WDR72: variants seen among roughly 807,000 people sequenced by gnomAD.
WDR72 encodes WD repeat-containing protein 72.
A neutral mutation model predicts 124.2 loss-of-function variants in WDR72; 120 were observed. The observed-to-expected ratio is 0.97, with a 90% CI of 0.83 to 1.12. WDR72 has a LOEUF of 1.12. Among genes scored for constraint, WDR72 ranks in the 50% most tolerant of loss-of-function variants. The pLI is 0.00. For synonymous variants in WDR72, 452 were observed against 441.7 expected (o/e 1.02, Z -0.29); for missense variants, 1,387 against 1,278.8 (o/e 1.08, Z -1.29).
rs542738079 is a variant in WDR72 at position 53,596,854 on chromosome 15, A to C, written c.3148+225T>G. Among the ~76,000 whole-genome samples, 27 of 152,310 alleles carry C rather than the reference A, an allele frequency of 1.8e-4. No individual in the cohort carries two copies. The South Asian group carries it at 5.4e-3, about 30-fold the overall frequency. On this transcript the variant is annotated intron_variant, in intron 18 of 19. Transcript: ENST00000360509. ...ACTCTCTAAGTAGCGATGCTCCTCA[A>C]GTTATGGTGGTGTTACTTCTGGATA... is the stretch of plus-strand genomic sequence containing the variant.
intron 14 of WDR72, among the ~76,000 whole-genome samples, chr15:53,663,376 G>C (rs1463217542): frequency 6.6e-6 from 1 of 151,828 alleles, no homozygotes; most frequent in East Asian, 1.9e-4. Flanking sequence ...TAAGGCAAGG[G>C]GCAAAAGCAA....
At chr15:53,593,873 A>T (rs2012634262) in intron 18 of WDR72, among the ~76,000 whole-genome samples, 2 of 152,068 alleles carry the variant, frequency 1.3e-5, no homozygotes, top group Non-Finnish European at 2.9e-5. Context: ...TATGTAAAAT[A>T]AAAAAATAAC....
At chr15:53,744,604 ATGGGGACACTT>A (rs1331043972) in intron 1 of WDR72, among the ~76,000 whole-genome samples, 1 of 152,228 alleles carries the variant, frequency 6.6e-6, no homozygotes, top group Non-Finnish European at 1.5e-5. Flanking sequence ...AATCACCAGC[ATGGGGACACTT>A]TGCAAAACTG....
intron 18 of WDR72, among the ~76,000 whole-genome samples, chr15:53,589,392 T>A (rs2012382949): frequency 6.6e-6 from 1 of 151,944 alleles, no homozygotes; most frequent in Admixed American, 6.6e-5. Flanking sequence ...AATTAGGAAT[T>A]GGCTGAATCT....
chr15:53,613,711 T>C lies in WDR72; in HGVS notation c.2827A>G (p.Asn943Asp). 2 of 1,611,306 alleles carry C rather than the reference T, an allele frequency of 1.2e-6. No homozygotes were observed. Among genetic ancestry groups the C allele is most frequent in the Non-Finnish European group, 8.5e-7 (1 of 1,178,414 alleles). Residue 943 changes from asparagine to aspartate, a missense_variant, in exon 16 of 20, where the codon AAT (asparagine) becomes GAT (aspartate). By Grantham distance (23) the Asn-to-Asp change is conservative. Transcript: ENST00000360509. Reference protein sequence around the residue: ...SIHNKMRGAGNDILNMSSFYS... With the variant: ...SIHNKMRGAGDDILNMSSFYS... The stretch of plus-strand genomic sequence containing the variant: ...AAGCTTGACATATTTAAAATGTCAT[T>C]CCCAGCACCTCTCATCTTATTATGT...
intron 12 of WDR72, 106 bp from the exon 13 acceptor site, chr15:53,700,051 C>CAATGAT (rs2017124538): frequency 7.6e-7 from 1 of 1,313,206 alleles, no homozygotes. Context: ...GTTAAAGCCC[C>CAATGAT]ATTTACAAAA....
chr15:53,591,685 A>AACACACACAC (rs67873847), intron 18 of WDR72, among the ~76,000 whole-genome samples: 16 of 149,020 alleles, frequency 1.1e-4, no homozygotes, highest in East Asian at 4.1e-4. Context: ...CAACACACAC[A>AACACACACAC]ACACACACAC....
chr15:53,609,098 A>G (rs1262456282), intron 17 of WDR72, among the ~76,000 whole-genome samples: 2 of 152,164 alleles, frequency 1.3e-5, no homozygotes, highest in Admixed American at 6.6e-5. Context: ...CTGTATTAAA[A>G]TATTTCATAT....
In WDR72 at chr15:53,637,223, A is replaced by G. The variant is rs995307336; in HGVS notation, c.1963-20980T>C. 2.6e-5 allele frequency among the ~76,000 whole-genome samples: 4 copies of G among 152,208 alleles called. No homozygotes were observed. In the East Asian group the frequency reaches 7.7e-4, roughly 29 times the overall value. On this transcript the variant is annotated intron_variant, in intron 14 of 19. Coordinates refer to ENST00000360509, the MANE Select transcript of WDR72 (RefSeq NM_182758.4). ...TCTCTATTAGCTTTATACTGCACAA[A>G]TAATCTTATAATTGAAGAGAAATAA... is the stretch of plus-strand genomic sequence containing the variant.
rs1207240804 is a variant in WDR72, at chr15:53,690,557, C to T, written c.1765+9193G>A. Among the ~76,000 whole-genome samples, 4 of 152,110 alleles carry T rather than the reference C, an allele frequency of 2.6e-5. 1 individual carries two copies. The highest frequency in any genetic ancestry group is 5.9e-5 in the Non-Finnish European group (4 of 68,014). ...ACAATATGTGCATTTTTGTGTATGT[C>T]TGACTTCTTTCACTTAGCATGTTTT... is the stretch of plus-strand genomic sequence containing the variant. On this transcript the variant is annotated intron_variant, in intron 13 of 19. Transcript: ENST00000360509.
chr15:53,522,825 A>G (rs1398011939), intron 19 of WDR72, among the ~76,000 whole-genome samples: 1 of 152,072 alleles, frequency 6.6e-6, no homozygotes, highest in Non-Finnish European at 1.5e-5. Flanking sequence ...AATTGTAATG[A>G]TGACAGTTTC....
At chr15:53,553,413 A>T (rs1893814781) in intron 18 of WDR72, among the ~76,000 whole-genome samples, 1 of 152,174 alleles carries the variant, frequency 6.6e-6, no homozygotes, top group South Asian at 2.1e-4. Context: ...CGTGTTATGT[A>T]GCACGGGGAG....
intron 9 of WDR72, among the ~76,000 whole-genome samples, chr15:53,709,132 C>A (rs754592027): frequency 3.9e-5 from 6 of 152,184 alleles, no homozygotes; most frequent in Non-Finnish European, 7.3e-5. Context: ...CTTCATCCTA[C>A]CACAATGCCT....
chr15:53,718,746 T>G (rs191026807), intron 3 of WDR72, among the ~76,000 whole-genome samples: 5 of 151,876 alleles, frequency 3.3e-5, no homozygotes, highest in African/African-American at 1.2e-4. Flanking sequence ...ATTTAAGAAT[T>G]TTTAAAACCT....
chr15:53,682,039 G>A (rs549441862), intron 13 of WDR72, among the ~76,000 whole-genome samples: 4 of 152,202 alleles, frequency 2.6e-5, no homozygotes, highest in Non-Finnish European at 4.4e-5. Context: ...CTCTAAATTT[G>A]GGGGAAAAAT....
At chr15:53,659,924 T>C (rs745468146) in intron 14 of WDR72, among the ~76,000 whole-genome samples, 1 of 152,110 alleles carries the variant, frequency 6.6e-6, no homozygotes, top group Non-Finnish European at 1.5e-5. Context: ...CAGTTTTAAG[T>C]TGAGATTCAC....
intron 14 of WDR72, among the ~76,000 whole-genome samples, chr15:53,634,985 G>A (rs1447980283): frequency 4.6e-5 from 7 of 152,228 alleles, no homozygotes; most frequent in Non-Finnish European, 8.8e-5. Flanking sequence ...ATGAGCCAGA[G>A]CAAGGTGGTG....
intron 18 of WDR72, among the ~76,000 whole-genome samples, chr15:53,556,880 A>G (rs1893953047): frequency 6.6e-6 from 1 of 152,124 alleles, no homozygotes; most frequent in Admixed American, 6.6e-5. Context: ...ATGTTATATA[A>G]TCCATGTTAC....
At chr15:53,734,307 C>T (rs1315357043) in intron 1 of WDR72, among the ~76,000 whole-genome samples, 1 of 152,102 alleles carries the variant, frequency 6.6e-6, no homozygotes, top group Non-Finnish European at 1.5e-5. Context: ...CTATAATACA[C>T]TTGCATTATT....
Sources: allele counts gnomAD v4.1 joint callset (sites outside exome capture counted in the v4.1 genomes callset), GRCh38; gene constraint gnomAD v4.1.1; transcripts MANE v1.5; gene names NCBI Gene and HGNC (gene_info 2026-07-23, HGNC 2026-07-21).